Variants in TEX2 observed in about 807,000 individuals in gnomAD.
TEX2 encodes testis-expressed protein 2.
A neutral mutation model predicts 106.9 loss-of-function variants in TEX2; 53 were observed. The ratio of observed to expected loss-of-function variants is 0.50; its 90% CI spans 0.40 to 0.62. TEX2 has a LOEUF of 0.62. Among genes scored for constraint, TEX2 ranks in the 20% least tolerant of loss-of-function variants. The pLI is 0.00. For missense variants in TEX2, 1,207 were observed against 1,379.0 expected, an observed-to-expected ratio of 0.88 and a Z score of 1.98; for synonymous variants, 523 against 534.8, an observed-to-expected ratio of 0.98 and a Z score of 0.30.
chr17:64,253,363 C>G (rs1357455815), intron 1 of TEX2, among the ~76,000 whole-genome samples: 1 of 148,352 alleles, frequency 6.7e-6, no homozygotes, highest in African/African-American at 2.5e-5. Context: ...CAGGGTCTCA[C>G]TATGTTGCCC....
rs1440436880 is a variant in TEX2 at position 64,205,360 on chromosome 17, C to T, written c.1644+7214G>A. ...AACATCTCACCTGAAAACTATTCTA[C>T]AAGGGGCACTGGGAAATAGCCATGT... On this transcript the variant is annotated intron_variant, in intron 2 of 11. Coordinates refer to ENST00000584379, the MANE Select transcript of TEX2 (RefSeq NM_001288732.2). This position sits in a 1 kb window ranked among gnomAD's most constrained non-coding sequence, Gnocchi z 4.0. 2.0e-5 allele frequency among the ~76,000 whole-genome samples: 3 copies of T among 152,158 alleles called. No homozygotes were observed. The highest frequency in any genetic ancestry group is 4.4e-5 in the Non-Finnish European group (3 of 68,036).
At chr17:64,164,456 C>A (rs943466487) in intron 7 of TEX2, among the ~76,000 whole-genome samples, 1 of 151,768 alleles carries the variant, frequency 6.6e-6, no homozygotes, top group African/African-American at 2.4e-5. Context: ...AACCCTGGCA[C>A]TTCATGCAGC....
At chr17:64,251,233 AATGGTG>A (rs2034085498) in intron 1 of TEX2, among the ~76,000 whole-genome samples, 1 of 152,046 alleles carries the variant, frequency 6.6e-6, no homozygotes, top group Admixed American at 6.5e-5. Context: ...CCCCTCCCTT[AATGGTG>A]TTCCCAATCA....
intron 5 of TEX2, among the ~76,000 whole-genome samples, chr17:64,183,992 G>A (rs895903261): frequency 4.6e-5 from 7 of 152,130 alleles, no homozygotes; most frequent in African/African-American, 1.4e-4. Context: ...TCTGACTGTG[G>A]TTTTGATTCA....
intron 7 of TEX2, among the ~76,000 whole-genome samples, chr17:64,162,950 C>G (rs1179448726): frequency 2.6e-5 from 4 of 152,156 alleles, no homozygotes; most frequent in African/African-American, 9.7e-5. Context: ...AGGGAAGAGG[C>G]TGTACTGGTC....
chr17:64,227,831 A>G (rs1555634088), intron 1 of TEX2, among the ~76,000 whole-genome samples: 1 of 152,234 alleles, frequency 6.6e-6, no homozygotes, highest in African/African-American at 2.4e-5. Flanking sequence ...AGATTAAACG[A>G]AACAACTTAA....
chr17:64,167,687 C>T (rs1288364476), intron 7 of TEX2, among the ~76,000 whole-genome samples: 1 of 152,066 alleles, frequency 6.6e-6, no homozygotes, highest in South Asian at 2.1e-4. Flanking sequence ...GTCATGGTGG[C>T]AGGTGCCTGT....
rs1555631813 is a variant in TEX2, at chr17:64,212,906, T to C, written c.1312A>G (p.Lys438Glu). Reference protein sequence around the residue: ...LETEGESKVDKLSDIPLKPEV... With the variant: ...LETEGESKVDELSDIPLKPEV... ...GGCTTGAGAGGAATATCTGAGAGCT[T>C]ATCAACTTTACTCTCCCCCTCCGTT... The change falls in exon 2 of 12, where the codon AAG becomes GAG. Residue 438 changes from lysine (K) to glutamate (E), a missense_variant. This residue lies in a region of TEX2 where 1,067 missense variants were observed against 1,193.6 expected (regional missense o/e 0.89). Transcript: ENST00000584379. 1.2e-6 allele frequency: 2 copies of C among 1,614,194 alleles called. No homozygotes were observed. The highest frequency in any genetic ancestry group is 2.2e-5 in the South Asian group (2 of 91,088).
intron 1 of TEX2, among the ~76,000 whole-genome samples, chr17:64,247,580 G>A (rs563735096): frequency 6.6e-6 from 1 of 152,306 alleles, no homozygotes; most frequent in African/African-American, 2.4e-5. Context: ...TGAGGAGGCG[G>A]CCAGGCTTGC....
chr17:64,195,129 A>G lies in TEX2; in HGVS notation c.1645-34T>C. On this transcript the variant is annotated intron_variant, in intron 2 of 11. Transcript: ENST00000584379. This position sits in a 1 kb window ranked among gnomAD's most constrained non-coding sequence, Gnocchi z 4.1. ...GAAAAACTTCCATTAGTAATATCAG[A>G]ATAATCGCAAATCTGATTTAGTGTG... The G allele has an allele frequency of 6.3e-7, 1 of 1,590,552 alleles. No homozygotes were observed. Among genetic ancestry groups the G allele is most frequent in the Non-Finnish European group, 8.6e-7 (1 of 1,159,654 alleles).
At chr17:64,191,995 C>T (rs1179287147) in intron 4 of TEX2, among the ~76,000 whole-genome samples, 1 of 152,020 alleles carries the variant, frequency 6.6e-6, no homozygotes, top group African/African-American at 2.4e-5. Context: ...ACTTTGAAAT[C>T]CAATGTGCAT....
intron 5 of TEX2, among the ~76,000 whole-genome samples, chr17:64,181,824 A>T (rs371223948): frequency 4.1e-5 from 6 of 145,058 alleles, no homozygotes; most frequent in South Asian, 2.2e-4. Context: ...CTGGTTTTGT[A>T]TTTTTTTTTT....
chr17:64,234,722 C>T (rs1034686020), intron 1 of TEX2, among the ~76,000 whole-genome samples: 3 of 152,124 alleles, frequency 2.0e-5, no homozygotes, highest in Admixed American at 6.5e-5. Flanking sequence ...AGTGACAGCA[C>T]AGGAACATCA....
Position 64,213,114 on chromosome 17 carries a change from G to C in TEX2, c.1104C>G (p.Asp368Glu). 1 of 1,614,148 alleles carries C rather than the reference G, an allele frequency of 6.2e-7. No homozygotes were observed. Among genetic ancestry groups the C allele is most frequent in the Non-Finnish European group, 8.5e-7 (1 of 1,180,048 alleles). Residue 368 changes from aspartate to glutamate, a missense_variant, in exon 2 of 12, where the codon GAC (aspartate) becomes GAG (glutamate). Physicochemically the swap from Asp to Glu is conservative, Grantham distance 45. This residue lies in a region of TEX2 where 1,067 missense variants were observed against 1,193.6 expected (regional missense o/e 0.89). Transcript: ENST00000584379. This position sits in a 1 kb window ranked among gnomAD's most constrained non-coding sequence, Gnocchi z 4.4. The stretch of plus-strand genomic sequence containing the variant: ...TGGGCTCACCAGTGGACTTTGGGTG[G>C]TCACTTCTGGGGATGTTGGAATCAC... Reference protein sequence around the residue: ...YGSDSNIPRSDHPKSTGEPTR... With the variant: ...YGSDSNIPRSEHPKSTGEPTR...
chr17:64,223,713 C>CTTTTT lies in TEX2; in HGVS notation c.-25-9476_-25-9472dup, dbSNP rs34897234. Among the ~76,000 whole-genome samples the CTTTTT allele has an allele frequency of 7.2e-5, 8 of 110,770 alleles. No homozygotes were observed. In the East Asian group the frequency reaches 1.4e-3, roughly 19 times the overall value. The allele number at this position is 110,770 out of a possible 152,430, so 72.7% of individuals were successfully genotyped here. A position where few individuals can be genotyped will look rare whatever the true frequency, so the allele number is the denominator to read the frequency against. ...TACAGTGAGCACGGTAACAGAGCAT[C>CTTTTT]TTTTTTTTTTTTTTTTTTTGCGATG... On this transcript the variant is annotated intron_variant, in intron 1 of 11. Coordinates refer to ENST00000584379, the MANE Select transcript of TEX2 (RefSeq NM_001288732.2).
chr17:64,215,587 T>TAC lies in TEX2; in HGVS notation c.-25-1346_-25-1345insGT, dbSNP rs1200906374. Among the ~76,000 whole-genome samples, 8 of 152,134 alleles carry TAC rather than the reference T, an allele frequency of 5.3e-5. No homozygotes were observed. In the East Asian group the frequency reaches 1.3e-3, roughly 26 times the overall value. On this transcript the variant is annotated intron_variant, in intron 1 of 11. Transcript: ENST00000584379. ...GGACATAGGGCTTCTAGTACTTGTC[T>TAC]TTCTACAGCTGACTCTGTGGGACTT...
intron 1 of TEX2, among the ~76,000 whole-genome samples, chr17:64,231,451 G>A (rs2033656424): frequency 6.6e-6 from 1 of 152,210 alleles, no homozygotes; most frequent in African/African-American, 2.4e-5. Context: ...AGGAGAGACT[G>A]AATGCAGGCT....
At chr17:64,234,379 C>T (rs16947591) in intron 1 of TEX2, among the ~76,000 whole-genome samples, 4,352 of 152,290 alleles carry the variant, frequency 0.029, 101 homozygotes, top group South Asian at 0.1. Flanking sequence ...AGATGATTAG[C>T]GTTGAGTTTG....
intron 2 of TEX2, among the ~76,000 whole-genome samples, chr17:64,196,984 T>TTTTTTTTTA (rs2032493790): frequency 7.8e-6 from 1 of 128,658 alleles, no homozygotes; most frequent in Non-Finnish European, 1.6e-5. Flanking sequence ...AAATCAAGAT[T>TTTTTTTTTA]TTTTTTTTTT....
Sources: allele counts gnomAD v4.1 joint callset (sites outside exome capture counted in the v4.1 genomes callset), GRCh38; gene constraint gnomAD v4.1.1; regional missense constraint gnomAD v4.1.1; non-coding constraint Gnocchi (gnomAD v3.1); transcripts MANE v1.5; gene names NCBI Gene and HGNC (gene_info 2026-07-23, HGNC 2026-07-21).